Variants in LSAMP observed in about 807,000 individuals in gnomAD.
The protein encoded by LSAMP is limbic system associated membrane protein, also known as limbic system-associated membrane protein.
LSAMP carries 7 observed loss-of-function variants against 38.6 expected under a neutral mutation model. The ratio of observed to expected loss-of-function variants is 0.18; its 90% CI spans 0.10 to 0.34. LSAMP has a LOEUF of 0.34. Among genes scored for constraint, LSAMP ranks in the 10% least tolerant of loss-of-function variants. The pLI, the probability that LSAMP is intolerant of heterozygous loss-of-function variation, is 1.00. For missense variants in LSAMP, 313 were observed against 420.0 expected (o/e 0.75, Z 2.23); for synonymous variants, 154 against 166.8 (o/e 0.92, Z 0.59).
At chr3:115,916,510 T>C (rs1937254782) in intron 3 of LSAMP, among the ~76,000 whole-genome samples, 1 of 152,238 alleles carries the variant, frequency 6.6e-6, no homozygotes, top group Admixed American at 6.5e-5. Flanking sequence ...TATATAGGTA[T>C]ATCACATTAA....
rs1178440955 is a variant in LSAMP at position 116,131,013 on chromosome 3, C to T, written c.156-44457G>A. ...TTTTTTTTTTTTTTTTTTTTTGAGA[C>T]GGAGTCTTGATCTGTCGCCCAGGCT... On this transcript the variant is annotated intron_variant, in intron 1 of 6. Transcript: ENST00000490035. 1.4e-3 allele frequency among the ~76,000 whole-genome samples: 161 copies of T among 115,766 alleles called. 3 individuals carry two copies. The highest frequency in any genetic ancestry group is 3.4e-3 in the Admixed American group (32 of 9,438). 75.9% of individuals were successfully genotyped at this position (115,766 alleles called of 152,430 possible).
chr3:116,193,282 C>G (rs1710798094), intron 1 of LSAMP, among the ~76,000 whole-genome samples: 1 of 152,172 alleles, frequency 6.6e-6, no homozygotes, highest in Non-Finnish European at 1.5e-5. Context: ...TGTCCAACTT[C>G]TCCTCTGGTG....
chr3:116,039,509 G>A (rs1941120910), intron 2 of LSAMP, among the ~76,000 whole-genome samples: 2 of 152,224 alleles, frequency 1.3e-5, no homozygotes, highest in African/African-American at 4.8e-5. Flanking sequence ...TCCAGTGCCT[G>A]TATTTTATGG....
At chr3:116,100,150 T>C (rs1708314214) in intron 1 of LSAMP, among the ~76,000 whole-genome samples, 1 of 151,738 alleles carries the variant, frequency 6.6e-6, no homozygotes, top group Non-Finnish European at 1.5e-5. Context: ...GGCACAATCT[T>C]GGCTCACTGT....
intron 1 of LSAMP, among the ~76,000 whole-genome samples, chr3:116,184,532 T>C (rs768492423): frequency 1.1e-4 from 17 of 151,904 alleles, no homozygotes; most frequent in Non-Finnish European, 2.4e-4. Flanking sequence ...CATTTTGACC[T>C]GGGGTAACTG....
intron 1 of LSAMP, among the ~76,000 whole-genome samples, chr3:116,176,879 C>G (rs1171319637): frequency 6.6e-6 from 1 of 152,006 alleles, no homozygotes; most frequent in Non-Finnish European, 1.5e-5. Flanking sequence ...TTCCAATAAT[C>G]GAAGCGTTCT....
chr3:116,012,859 G>C (rs775824158), intron 3 of LSAMP, among the ~76,000 whole-genome samples: 2 of 151,998 alleles, frequency 1.3e-5, no homozygotes, highest in Non-Finnish European at 2.9e-5. Flanking sequence ...CTTTGCCTAC[G>C]TATTATTTTA....
In LSAMP at chr3:116,113,420, ATTTTTTTTT is replaced by A. The variant is rs374608044; in HGVS notation, c.156-26873_156-26865del. Among the ~76,000 whole-genome samples the A allele has an allele frequency of 1.8e-4, 9 of 51,030 alleles. No individual in the cohort carries two copies. In the East Asian group the frequency reaches 4.8e-3, roughly 27 times the overall value. 33.5% of individuals were successfully genotyped at this position (51,030 alleles called of 152,430 possible). ...TTGCCCTATATATATATATATATAT[ATTTTTTTTT>A]TTTTTTTTTTTTTTGAGATGGAGTC... On this transcript the variant is annotated intron_variant, in intron 1 of 6. Coordinates refer to ENST00000490035, the MANE Select transcript of LSAMP (RefSeq NM_002338.5).
chr3:116,152,871 A>G lies in LSAMP; in HGVS notation c.156-66315T>C, dbSNP rs543631753. On this transcript the variant is annotated intron_variant, in intron 1 of 6. Coordinates refer to ENST00000490035, the MANE Select transcript of LSAMP (RefSeq NM_002338.5). ...CCAGTAGAAAATGAGAACTAAAATCAGGTCTCTATTTCACTAATCATTACT... is the reference window on the plus strand; with the variant it reads ...CCAGTAGAAAATGAGAACTAAAATCGGGTCTCTATTTCACTAATCATTACT... Among the ~76,000 whole-genome samples the G allele has an allele frequency of 3.9e-5, 6 of 152,222 alleles. No individual in the cohort carries two copies. In the South Asian group the frequency reaches 1.2e-3, roughly 32 times the overall value.
chr3:116,272,031 A>G (rs2046981064), intron 1 of LSAMP, among the ~76,000 whole-genome samples: 1 of 152,072 alleles, frequency 6.6e-6, no homozygotes, highest in Non-Finnish European at 1.5e-5. Context: ...GAATGATAAA[A>G]GAGATGGATG....
At chr3:116,398,248 T>A (rs1408929192) in intron 1 of LSAMP, among the ~76,000 whole-genome samples, 1 of 152,154 alleles carries the variant, frequency 6.6e-6, no homozygotes, top group Non-Finnish European at 1.5e-5. Flanking sequence ...ACTGCTTAGT[T>A]AGATAATAAT....
intron 2 of LSAMP, among the ~76,000 whole-genome samples, chr3:116,057,575 A>G (rs1941512421): frequency 6.6e-6 from 1 of 152,202 alleles, no homozygotes; most frequent in African/African-American, 2.4e-5. Context: ...GGCTGAAAAA[A>G]GAGGAAGAGA....
At chr3:116,101,620 C>G (rs781280464) in intron 1 of LSAMP, among the ~76,000 whole-genome samples, 3 of 152,130 alleles carry the variant, frequency 2.0e-5, no homozygotes, top group Non-Finnish European at 2.9e-5. Context: ...GTCATCCTAT[C>G]TTGGTACAGA....
intron 1 of LSAMP, among the ~76,000 whole-genome samples, chr3:116,249,148 C>CAAAAA (rs56255627): frequency 7.9e-6 from 1 of 126,286 alleles, no homozygotes; most frequent in African/African-American, 3.1e-5. Context: ...GACTCTGTCT[C>CAAAAA]AAAAAAAAAA....
At chr3:116,297,121 G>C (rs2047347056) in intron 1 of LSAMP, among the ~76,000 whole-genome samples, 1 of 152,166 alleles carries the variant, frequency 6.6e-6, no homozygotes, top group South Asian at 2.1e-4. Flanking sequence ...AAAATGTTGT[G>C]ACTAGGTTTC....
At chr3:116,041,276 G>C (rs1941165001) in intron 2 of LSAMP, among the ~76,000 whole-genome samples, 1 of 151,940 alleles carries the variant, frequency 6.6e-6, no homozygotes, top group Non-Finnish European at 1.5e-5. Flanking sequence ...TTGATTCTGA[G>C]GAACAATCAA....
intron 1 of LSAMP, among the ~76,000 whole-genome samples, chr3:116,181,721 A>T (rs539413855): frequency 2.0e-5 from 3 of 152,156 alleles, no homozygotes; most frequent in Admixed American, 2.0e-4. Context: ...TAAGATAGAC[A>T]GCCATTATCA....
In LSAMP at chr3:115,803,448, T is replaced by C. The variant is rs910683038; in HGVS notation, c.*6869A>G. Reference sequence around the variant, plus strand: ...TTAGGACAAGAGGATCTGTGCTCAATGCATCTAGAACATGGCACAAGAAAA... The same window carrying C: ...TTAGGACAAGAGGATCTGTGCTCAACGCATCTAGAACATGGCACAAGAAAA... On this transcript the variant is annotated 3_prime_UTR_variant, in exon 7 of 7. Transcript: ENST00000490035. 6.6e-6 allele frequency: 1 copy of C among 152,204 alleles called. No homozygotes were observed. The allele number at this position is 152,204 out of a possible 1,614,324, so 9.4% of individuals were successfully genotyped here. A position where few individuals can be genotyped will look rare whatever the true frequency, so the allele number is the denominator to read the frequency against.
intron 1 of LSAMP, among the ~76,000 whole-genome samples, chr3:116,384,716 C>T (rs951209425): frequency 4.6e-5 from 7 of 152,020 alleles, no homozygotes; most frequent in Non-Finnish European, 8.8e-5. Flanking sequence ...GGAGGTGTTT[C>T]GTGATTTTTT....
Sources: gnomAD v4.1 joint callset for allele counts (sites outside exome capture counted in the v4.1 genomes callset) on GRCh38, gnomAD v4.1.1 for gene constraint, MANE v1.5 for transcripts, NCBI Gene and HGNC (gene_info 2026-07-23, HGNC 2026-07-21) for gene names.